SUGCT: variants seen among roughly 807,000 people sequenced by gnomAD.
SUGCT encodes succinyl-CoA:glutarate CoA-transferase.
In SUGCT, 41 loss-of-function variants were observed where a neutral mutation model predicts 55.0. The observed-to-expected ratio is 0.74, with a 90% CI of 0.58 to 0.97. SUGCT has a LOEUF of 0.97. Among genes scored for constraint, SUGCT ranks in the 50% least tolerant of loss-of-function variants. The probability of loss-of-function intolerance (pLI) is 0.00; values close to 1 mark genes in which losing one functional copy is unlikely to be tolerated. For missense variants in SUGCT, 568 were observed against 547.8 expected (o/e 1.04, Z -0.37); for synonymous variants, 187 against 200.4 (o/e 0.93, Z 0.56).
At chr7:40,435,369 G>A (rs1455299416) in intron 9 of SUGCT, among the ~76,000 whole-genome samples, 1 of 152,116 alleles carries the variant, frequency 6.6e-6, no homozygotes, top group Non-Finnish European at 1.5e-5. Flanking sequence ...TTGTTAGCAT[G>A]CTTGCCTTTT....
intron 12 of SUGCT, among the ~76,000 whole-genome samples, chr7:40,544,857 C>A (rs558556526): frequency 3.9e-5 from 6 of 152,226 alleles, no homozygotes; most frequent in African/African-American, 1.4e-4. Flanking sequence ...CAATAACTAT[C>A]CTTCTGGAAA....
the SUGCT span, among the ~76,000 whole-genome samples, chr7:40,956,544 A>G: frequency 6.6e-6 from 1 of 151,900 alleles, no homozygotes. Context: ...CTAGTGGTCT[A>G]TTTTGTTTAT....
chr7:41,008,866 T>TCACCCGAAGGGATGGTATCTGGTCC, the SUGCT span, among the ~76,000 whole-genome samples: 1 of 151,954 alleles, frequency 6.6e-6, no homozygotes, highest in South Asian at 2.1e-4. Context: ...TGCCTCGTGG[T>TCACCCGAAGGGATGGTATCTGGTCC]CACCCGAAGG....
intron 7 of SUGCT, among the ~76,000 whole-genome samples, chr7:40,262,830 T>C (rs1791317525): frequency 6.6e-6 from 1 of 152,224 alleles, no homozygotes; most frequent in Non-Finnish European, 1.5e-5. Flanking sequence ...GGAGAAAAGA[T>C]GGTAGCAAAA....
the SUGCT span, among the ~76,000 whole-genome samples, chr7:40,974,093 C>T: frequency 6.6e-6 from 1 of 152,146 alleles, no homozygotes; most frequent in Non-Finnish European, 1.5e-5. Flanking sequence ...ATTTTTGTCC[C>T]CACACCAGGG....
chr7:40,285,547 A>G (rs1793278599), intron 8 of SUGCT, among the ~76,000 whole-genome samples: 1 of 151,332 alleles, frequency 6.6e-6, no homozygotes, highest in Non-Finnish European at 1.5e-5. Flanking sequence ...GTCCTTGTGT[A>G]TTGGCTAATC....
intron 8 of SUGCT, among the ~76,000 whole-genome samples, chr7:40,276,318 G>A (rs1202138017): frequency 6.6e-6 from 1 of 152,096 alleles, no homozygotes; most frequent in Non-Finnish European, 1.5e-5. Flanking sequence ...AGGAACCTGA[G>A]GTAGGGTAAG....
chr7:40,676,497 G>GT (rs1280564538), intron 12 of SUGCT, among the ~76,000 whole-genome samples: 1,321 of 127,334 alleles, frequency 0.01, 29 homozygotes, highest in African/African-American at 0.032. Flanking sequence ...TTGCGGTTTT[G>GT]TTTTTTGTTT....
intron 12 of SUGCT, among the ~76,000 whole-genome samples, chr7:40,520,520 T>C (rs1793474630): frequency 6.6e-6 from 1 of 152,178 alleles, no homozygotes; most frequent in Admixed American, 6.6e-5. Context: ...TTAGTCATTA[T>C]ATTTTAAGCG....
At position 40,559,302 on chromosome 7, in the gene SUGCT, A is replaced by G. The variant is rs73122163; in HGVS notation, c.1089+62916A>G. On this transcript the variant is annotated intron_variant, in intron 12 of 13. Transcript: ENST00000335693. ...AACTTTTTAAAAGCCCACAAACTCC[A>G]ATTTAGCTTTGGCAATCACTGCGCT... 3.6e-3 allele frequency among the ~76,000 whole-genome samples: 549 copies of G among 152,354 alleles called. 5 individuals carry two copies. Among genetic ancestry groups the G allele is most frequent in the Middle Eastern group, 0.017 (5 of 294 alleles).
chr7:40,617,952 A>T lies in SUGCT; in HGVS notation c.1089+121566A>T, dbSNP rs138807064. On this transcript the variant is annotated intron_variant, in intron 12 of 13. Transcript: ENST00000335693. ...TTGCCTTCTACATAATTGAGAGAAA[A>T]AAGTATTTTTACTTCACTATAATCC... Among the ~76,000 whole-genome samples the T allele has an allele frequency of 2.0e-3, 301 of 152,280 alleles. 2 individuals carry two copies. The highest frequency in any genetic ancestry group is 7.0e-3 in the African/African-American group (290 of 41,566).
intron 8 of SUGCT, among the ~76,000 whole-genome samples, chr7:40,289,531 A>C (rs975427763): frequency 6.6e-6 from 1 of 152,124 alleles, no homozygotes; most frequent in African/African-American, 2.4e-5. Flanking sequence ...ATCTATGACA[A>C]ACCCACAGCC....
chr7:40,630,888 C>CG (rs991340235), intron 12 of SUGCT, among the ~76,000 whole-genome samples: 395 of 11,582 alleles, frequency 0.034, 6 homozygotes, highest in East Asian at 0.067. Flanking sequence ...CACACGGGGT[C>CG]GGGGGGGTGG....
intron 12 of SUGCT, among the ~76,000 whole-genome samples, chr7:40,626,808 A>G (rs1398424070): frequency 6.6e-6 from 1 of 152,228 alleles, no homozygotes; most frequent in African/African-American, 2.4e-5. Context: ...AACATGCACA[A>G]TCATACCTGC....
the SUGCT span, among the ~76,000 whole-genome samples, chr7:41,023,530 T>A: frequency 6.6e-6 from 1 of 152,150 alleles, no homozygotes; most frequent in East Asian, 1.9e-4. Context: ...GTCAGCAAGA[T>A]AACAATCCTG....
intron 13 of SUGCT, among the ~76,000 whole-genome samples, chr7:40,812,952 T>A (rs1563020600): frequency 6.6e-6 from 1 of 152,210 alleles, no homozygotes; most frequent in South Asian, 2.1e-4. Flanking sequence ...TTTTTTGATT[T>A]CTGCCTTAAT....
At chr7:40,364,013 A>T (rs575007791) in intron 9 of SUGCT, among the ~76,000 whole-genome samples, 1 of 151,672 alleles carries the variant, frequency 6.6e-6, no homozygotes, top group African/African-American at 2.4e-5. Flanking sequence ...TTGGGTGCAT[A>T]TATATTTAGG....
chr7:40,875,820 C>A, the SUGCT span, among the ~76,000 whole-genome samples: 1 of 152,182 alleles, frequency 6.6e-6, no homozygotes, highest in Non-Finnish European at 1.5e-5. Flanking sequence ...GAGCATGGGA[C>A]CTAATTCTGG....
chr7:40,390,638 A>G (rs1284973842), intron 9 of SUGCT, among the ~76,000 whole-genome samples: 2 of 152,204 alleles, frequency 1.3e-5, no homozygotes, highest in African/African-American at 4.8e-5. Flanking sequence ...ATAAAATGAC[A>G]CAAACAAATG....
Sources: allele counts gnomAD v4.1 joint callset (sites outside exome capture counted in the v4.1 genomes callset), GRCh38; gene constraint gnomAD v4.1.1; transcripts MANE v1.5; gene names NCBI Gene and HGNC (gene_info 2026-07-23, HGNC 2026-07-21).